GIMAP8: variants seen among roughly 807,000 people sequenced by gnomAD.
GIMAP8 encodes GTPase, IMAP family member 8, also known as GTPase IMAP family member 8.
GIMAP8 carries 29 observed loss-of-function variants against 35.6 expected under a neutral mutation model. The observed-to-expected ratio is 0.81, with a 90% CI of 0.61 to 1.11. The LOEUF is 1.11. Ranked by LOEUF, GIMAP8 falls within the 50% of genes most tolerant of loss-of-function variation. GIMAP8 has a pLI of 0.00. For missense variants in GIMAP8, 811 were observed against 805.0 expected (o/e 1.01, Z -0.09); for synonymous variants, 335 against 308.7 (o/e 1.09, Z -0.89).
At chr7:150,462,172 G>A (rs1801857770) in intron 1 of GIMAP8, among the ~76,000 whole-genome samples, 1 of 152,122 alleles carries the variant, frequency 6.6e-6, no homozygotes, top group Non-Finnish European at 1.5e-5. Flanking sequence ...ATTAATTAGG[G>A]TGGGGCAGAA....
intron 1 of GIMAP8, among the ~76,000 whole-genome samples, chr7:150,464,258 C>T (rs868837398): frequency 8.5e-5 from 13 of 152,124 alleles, no homozygotes; most frequent in East Asian, 1.9e-4. Context: ...TCTTTGTAGA[C>T]GGCAGATCAT....
At chr7:150,463,121 G>T (rs1190974034) in intron 1 of GIMAP8, among the ~76,000 whole-genome samples, 3 of 151,776 alleles carry the variant, frequency 2.0e-5, no homozygotes, top group Non-Finnish European at 4.4e-5. Flanking sequence ...GTCTATTTTT[G>T]AAGCTCTTGG....
intron 4 of GIMAP8, among the ~76,000 whole-genome samples, chr7:150,475,088 T>C (rs1585120739): frequency 6.6e-6 from 1 of 152,270 alleles, no homozygotes; most frequent in East Asian, 1.9e-4. Context: ...TATTCCATGG[T>C]GTATATGTGC....
In GIMAP8 at chr7:150,466,685, T is replaced by C. The variant is rs753973467; in HGVS notation, c.-14T>C. On this transcript the variant is annotated 5_prime_UTR_variant, in exon 2 of 5. Coordinates refer to ENST00000307271, the MANE Select transcript of GIMAP8 (RefSeq NM_175571.4). ...TGTCCCAACAGAACAAGCGGGAGCC[T>C]GTGTCAGGAAAGCATGTCAGAGCAG... 13 of 1,612,014 alleles carry C rather than the reference T, an allele frequency of 8.1e-6. No homozygotes were observed. In the South Asian group the frequency reaches 1.3e-4, roughly 16 times the overall value.
At position 150,463,525 on chromosome 7, in the gene GIMAP8, G is replaced by A. The variant is rs367557649; in HGVS notation, c.-28-3146G>A. Among the ~76,000 whole-genome samples the A allele has an allele frequency of 8.6e-4, 131 of 152,306 alleles. 3 individuals are homozygous for A. In the South Asian group the frequency reaches 0.026, roughly 30 times the overall value. On this transcript the variant is annotated intron_variant, in intron 1 of 4. Transcript: ENST00000307271. ...ACTTTTTTCTGTACACATATCTCTA[G>A]TGTTGATTGGGTAGGGTGCTTTGGC...
In GIMAP8 at chr7:150,477,600, A is replaced by T. The variant is rs772977293; in HGVS notation, c.1818A>T (p.Thr606=). Residue 606 remains threonine, a synonymous_variant, in exon 5 of 5, where the codon ACA becomes ACT. Coordinates refer to ENST00000307271, the MANE Select transcript of GIMAP8 (RefSeq NM_175571.4). ...RRVCAFNNKE[T]GQAQETQVKA... Reference sequence around the variant, plus strand: ...TTTGTGCTTTTAACAACAAAGAAACAGGCCAGGCCCAGGAAACCCAGGTGA... The same window carrying T: ...TTTGTGCTTTTAACAACAAAGAAACTGGCCAGGCCCAGGAAACCCAGGTGA... The T allele has an allele frequency of 3.7e-6, 6 of 1,614,132 alleles. No homozygotes were observed. In the Admixed American group the frequency reaches 6.7e-5, roughly 18 times the overall value.
At chr7:150,456,968 T>C (rs1801743117) in intron 1 of GIMAP8, among the ~76,000 whole-genome samples, 1 of 152,188 alleles carries the variant, frequency 6.6e-6, no homozygotes, top group African/African-American at 2.4e-5. Context: ...ACCAGCTCAG[T>C]CGTGGAGACC....
intron 3 of GIMAP8, among the ~76,000 whole-genome samples, chr7:150,471,655 G>A (rs1189960291): frequency 6.6e-6 from 1 of 152,170 alleles, no homozygotes; most frequent in Non-Finnish European, 1.5e-5. Flanking sequence ...TGGCCAACAT[G>A]GCAAAACCCT....
chr7:150,451,769 G>T lies in GIMAP8; in HGVS notation c.-29+594G>T, dbSNP rs1801614419. On this transcript the variant is annotated intron_variant, in intron 1 of 4. Coordinates refer to ENST00000307271, the MANE Select transcript of GIMAP8 (RefSeq NM_175571.4). This position sits in a 1 kb window ranked among gnomAD's most constrained non-coding sequence, Gnocchi z 4.1. Reference sequence around the variant, plus strand: ...TCTTTCCTGCCCCTTGCACAGTTAGGATTCTGTGAACTGGGCATTGGAGGG... The same window carrying T: ...TCTTTCCTGCCCCTTGCACAGTTAGTATTCTGTGAACTGGGCATTGGAGGG... Among the ~76,000 whole-genome samples the T allele has an allele frequency of 1.3e-5, 2 of 152,194 alleles. No individual in the cohort carries two copies. The highest frequency in any genetic ancestry group is 1.3e-4 in the Admixed American group (2 of 15,276).
intron 4 of GIMAP8, among the ~76,000 whole-genome samples, chr7:150,476,516 T>C (rs1388780774): frequency 1.3e-5 from 2 of 152,260 alleles, no homozygotes; most frequent in Non-Finnish European, 2.9e-5. Context: ...TTCAATGTGG[T>C]TTTAATGAGA....
intron 2 of GIMAP8, among the ~76,000 whole-genome samples, chr7:150,469,229 T>C (rs953156143): frequency 6.6e-6 from 1 of 152,166 alleles, no homozygotes; most frequent in Non-Finnish European, 1.5e-5. Context: ...CACTGACACT[T>C]GCTCTCCCCC....
chr7:150,455,092 C>T lies in GIMAP8; in HGVS notation c.-29+3917C>T, dbSNP rs139934964. ...GATAGAGGTTGCAGTGGGCCAAGAT[C>T]GTGCCATTGCACTTCAGCCTGGGCA... is the stretch of plus-strand genomic sequence containing the variant. On this transcript the variant is annotated intron_variant, in intron 1 of 4. Transcript: ENST00000307271. Among the ~76,000 whole-genome samples, 519 of 145,748 alleles carry T rather than the reference C, an allele frequency of 3.6e-3. 2 individuals carry two copies. The highest frequency in any genetic ancestry group is 0.012 in the African/African-American group (473 of 39,214).
In GIMAP8 at chr7:150,467,369, T is replaced by C. The variant is rs368973504; in HGVS notation, c.636+35T>C. On this transcript the variant is annotated intron_variant, in intron 2 of 4. Coordinates refer to ENST00000307271, the MANE Select transcript of GIMAP8 (RefSeq NM_175571.4). The stretch of plus-strand genomic sequence containing the variant: ...TTGTTAATATCTTGAAAGATCTCTA[T>C]GTTGCTGAACTAGTGGGATGAAAGT... 8.2e-5 allele frequency: 128 copies of C among 1,569,380 alleles called. No homozygotes were observed. The African/African-American group carries it at 1.4e-3, about 17-fold the overall frequency.
At chr7:150,476,756 G>A (rs981572916) in intron 4 of GIMAP8, among the ~76,000 whole-genome samples, 2 of 152,204 alleles carry the variant, frequency 1.3e-5, no homozygotes, top group Non-Finnish European at 2.9e-5. Context: ...GAGTAAGAAG[G>A]CCAGGGGACA....
At chr7:150,465,645 C>T (rs960971631) in intron 1 of GIMAP8, among the ~76,000 whole-genome samples, 1 of 152,120 alleles carries the variant, frequency 6.6e-6, no homozygotes. Context: ...CTGGAGCATA[C>T]AGTGTGTTGA....
Position 150,478,280 on chromosome 7 carries a change from T to A in GIMAP8, c.*500T>A, listed in dbSNP as rs927084220. 1.3e-5 allele frequency: 2 copies of A among 159,710 alleles called. No individual in the cohort carries two copies. The highest frequency in any genetic ancestry group is 2.8e-5 in the Non-Finnish European group (2 of 72,190). The allele number at this position is 159,710 out of a possible 1,614,324, so 9.9% of individuals were successfully genotyped here. The stretch of plus-strand genomic sequence containing the variant: ...GTCCAGGGCCGTTGGCTCCCTGAGC[T>A]CTCCTGTCTCCTTTGGGATGCGACT... On this transcript the variant is annotated 3_prime_UTR_variant, in exon 5 of 5. Coordinates refer to ENST00000307271, the MANE Select transcript of GIMAP8 (RefSeq NM_175571.4).
chr7:150,454,055 G>A (rs1801676595), intron 1 of GIMAP8, among the ~76,000 whole-genome samples: 1 of 152,168 alleles, frequency 6.6e-6, no homozygotes, highest in African/African-American at 2.4e-5. Flanking sequence ...TCAGGCACAT[G>A]TCTTGCACAT....
In GIMAP8 at chr7:150,479,099, A is replaced by G. The variant is rs1221077949; in HGVS notation, c.*1319A>G. 1 of 152,152 alleles carries G rather than the reference A, an allele frequency of 6.6e-6. No individual in the cohort carries two copies. Among genetic ancestry groups the G allele is most frequent in the Non-Finnish European group, 1.5e-5 (1 of 68,024 alleles). The allele number at this position is 152,152 out of a possible 1,614,324, so 9.4% of individuals were successfully genotyped here. ...ATTCCATATAACCCTTAACACAATA[A>G]CTTCTAGAAAATGTGTGTGCCGTAG... On this transcript the variant is annotated 3_prime_UTR_variant, in exon 5 of 5. Coordinates refer to ENST00000307271, the MANE Select transcript of GIMAP8 (RefSeq NM_175571.4).
rs1451219728 is a variant in GIMAP8 at position 150,467,283 on chromosome 7, G to A, written c.585G>A (p.Thr195=). 5 of 1,614,064 alleles carry A rather than the reference G, an allele frequency of 3.1e-6. No individual in the cohort carries two copies. The African/African-American group carries it at 5.3e-5, about 17-fold the overall frequency. Residue 195 remains threonine (T), a synonymous_variant, in exon 2 of 5, where the codon ACG becomes ACA. Coordinates refer to ENST00000307271, the MANE Select transcript of GIMAP8 (RefSeq NM_175571.4). ...GCAAGGTTGAGTCTTTGGTGAATAC[G>A]AACGGAGGACCCTATCATGTGAACT... The part of the protein sequence containing the change: ...LLRKVESLVN[T]NGGPYHVNFK...
Sources: gnomAD v4.1 joint callset for allele counts (sites outside exome capture counted in the v4.1 genomes callset) on GRCh38, gnomAD v4.1.1 for gene constraint, Gnocchi (gnomAD v3.1) non-coding constraint, MANE v1.5 for transcripts, NCBI Gene and HGNC (gene_info 2026-07-23, HGNC 2026-07-21) for gene names.